The following GABPB1 variants were observed in gnomAD, a reference collection of about 807,000 sequenced individuals.
GABPB1 encodes the protein GA-binding protein subunit beta-1.
A neutral mutation model predicts 45.9 loss-of-function variants in GABPB1; 15 were observed. That is an observed-to-expected ratio of 0.33 (90% CI 0.22 to 0.50). The LOEUF (loss-of-function observed/expected upper bound fraction) is 0.50, where lower values mean the gene tolerates loss of function less well. GABPB1 is among the 20% of genes least tolerant of loss of function. The probability of loss-of-function intolerance (pLI) is 0.98; values close to 1 mark genes in which losing one functional copy is unlikely to be tolerated. For synonymous variants in GABPB1, 143 were observed against 154.4 expected (o/e 0.93, Z 0.55); for missense variants, 252 against 457.5 (o/e 0.55, Z 4.10).
chr15:50,303,184 A>G, intron 3 of GABPB1, 61 bp from the exon 4 acceptor site: 1 of 1,294,722 alleles, frequency 7.7e-7, no homozygotes, highest in Non-Finnish European at 1.1e-6. Flanking sequence ...AATTCCTGAT[A>G]TGAAATTATT....
chr15:50,298,334 C>T (rs2046598459), intron 6 of GABPB1, among the ~76,000 whole-genome samples: 1 of 152,120 alleles, frequency 6.6e-6, no homozygotes, highest in Non-Finnish European at 1.5e-5. Context: ...GATCTGCCAC[C>T]CTTAGCCTCC....
chr15:50,293,879 GC>G (rs2046427712), intron 6 of GABPB1, among the ~76,000 whole-genome samples: 1 of 152,050 alleles, frequency 6.6e-6, no homozygotes, highest in Admixed American at 6.6e-5. Flanking sequence ...CCCCCCAGAA[GC>G]CTTAAGAACA....
intron 4 of GABPB1, 44 bp downstream of exon 4, chr15:50,302,885 G>A: frequency 1.5e-6 from 2 of 1,301,070 alleles, no homozygotes; most frequent in Non-Finnish European, 2.2e-6. Context: ...CTACTGATAA[G>A]GCTTCTTTTT....
At chr15:50,294,311 C>T (rs982214653) in intron 6 of GABPB1, among the ~76,000 whole-genome samples, 1 of 152,104 alleles carries the variant, frequency 6.6e-6, no homozygotes, top group Non-Finnish European at 1.5e-5. Flanking sequence ...GTCAAGAGAT[C>T]GAGACCATCC....
chr15:50,279,979 G>C (rs980851792), intron 8 of GABPB1, among the ~76,000 whole-genome samples: 1 of 152,004 alleles, frequency 6.6e-6, no homozygotes, highest in African/African-American at 2.4e-5. Flanking sequence ...CTATTCATAT[G>C]GTTGGTCCAC....
rs185146282 is a variant in GABPB1 at position 50,281,224 on chromosome 15, C to T, written c.1000-2440G>A. Among the ~76,000 whole-genome samples the T allele has an allele frequency of 4.9e-4, 74 of 151,062 alleles. No homozygotes were observed. The East Asian group carries it at 0.012, about 25-fold the overall frequency. ...ATAATTAACACTATAATTTTTTTTT[C>T]TTTTTGAGACGGAGTCTTGCTCTGT... On this transcript the variant is annotated intron_variant, in intron 8 of 8. Transcript: ENST00000380877.
At chr15:50,339,114 T>C (rs1328669508) in intron 1 of GABPB1, among the ~76,000 whole-genome samples, 1 of 151,282 alleles carries the variant, frequency 6.6e-6, no homozygotes, top group Non-Finnish European at 1.5e-5. Flanking sequence ...GGGTCAGGAG[T>C]TCGAAACCAG....
At chr15:50,344,769 C>G (rs2048503260) in intron 1 of GABPB1, among the ~76,000 whole-genome samples, 2 of 152,042 alleles carry the variant, frequency 1.3e-5, no homozygotes, top group Non-Finnish European at 1.5e-5. Flanking sequence ...ACCTAGGAGG[C>G]AGAGGTTGCA....
At position 50,316,836 on chromosome 15, in the gene GABPB1, T is replaced by C. The variant is rs533785158; in HGVS notation, c.1-7038A>G. On this transcript the variant is annotated intron_variant, in intron 1 of 8. Transcript: ENST00000380877. Reference sequence around the variant, plus strand: ...TGAACAATTTGTAGTATATATAAACTAGACAGTCATATAATAAACTCCCAC... The same window carrying C: ...TGAACAATTTGTAGTATATATAAACCAGACAGTCATATAATAAACTCCCAC... Among the ~76,000 whole-genome samples the C allele has an allele frequency of 5.9e-5, 9 of 152,250 alleles. No homozygotes were observed. The South Asian group carries it at 8.3e-4, about 14-fold the overall frequency.
At chr15:50,326,755 G>A (rs1441087445) in intron 1 of GABPB1, among the ~76,000 whole-genome samples, 1 of 151,960 alleles carries the variant, frequency 6.6e-6, no homozygotes, top group Non-Finnish European at 1.5e-5. Context: ...GACTGCTTGA[G>A]CCTGGGAGGT....
chr15:50,279,825 T>G (rs538028482), intron 8 of GABPB1, among the ~76,000 whole-genome samples: 4 of 152,264 alleles, frequency 2.6e-5, no homozygotes, highest in Non-Finnish European at 5.9e-5. Context: ...ACAAGACACT[T>G]GGCCAGAGAG....
chr15:50,339,188 C>T (rs963854696), intron 1 of GABPB1, among the ~76,000 whole-genome samples: 4 of 152,098 alleles, frequency 2.6e-5, no homozygotes, highest in South Asian at 2.1e-4. Flanking sequence ...CATGGTGGTG[C>T]GTGCCTGTAG....
chr15:50,313,210 A>G (rs1393442946), intron 1 of GABPB1, among the ~76,000 whole-genome samples: 1 of 152,208 alleles, frequency 6.6e-6, no homozygotes, highest in Non-Finnish European at 1.5e-5. Flanking sequence ...ATCAATAGTT[A>G]AAAGACAGGA....
In GABPB1 at chr15:50,300,932, T is replaced by C. The variant is rs774833573; in HGVS notation, c.584-30A>G. The C allele has an allele frequency of 3.0e-6, 4 of 1,315,148 alleles. No individual in the cohort carries two copies. In the South Asian group the frequency reaches 4.7e-5, roughly 15 times the overall value. The allele number at this position is 1,315,148 out of a possible 1,614,324, so 81.5% of individuals were successfully genotyped here. ...AAGAAAAAAGAAAATAGATTTGAAT[T>C]TCTAAGGAGCTTAATCCAATGCATA... On this transcript the variant is annotated intron_variant, in intron 5 of 8. Coordinates refer to ENST00000380877, the MANE Select transcript of GABPB1 (RefSeq NM_016654.5).
chr15:50,290,901 C>T (rs1254577989), intron 6 of GABPB1, among the ~76,000 whole-genome samples: 1 of 152,138 alleles, frequency 6.6e-6, no homozygotes, highest in Non-Finnish European at 1.5e-5. Context: ...GTTAATACTG[C>T]CAAAATCCTT....
chr15:50,316,627 T>C (rs2047339201), intron 1 of GABPB1, among the ~76,000 whole-genome samples: 1 of 152,094 alleles, frequency 6.6e-6, no homozygotes, highest in African/African-American at 2.4e-5. Context: ...GTCTTTAAAA[T>C]GTTCATACTC....
intron 8 of GABPB1, among the ~76,000 whole-genome samples, chr15:50,281,236 G>A (rs2045960325): frequency 6.6e-6 from 1 of 152,068 alleles, no homozygotes; most frequent in Non-Finnish European, 1.5e-5. Context: ...TTTTGAGACG[G>A]AGTCTTGCTC....
chr15:50,282,814 G>C lies in GABPB1; in HGVS notation c.999+3254C>G, dbSNP rs111781716. ...TCATGCCTATAATCCCAGCACTCTG[G>C]GGGGCTGAAGCGGATGGATCACCTG... On this transcript the variant is annotated intron_variant, in intron 8 of 8. Coordinates refer to ENST00000380877, the MANE Select transcript of GABPB1 (RefSeq NM_016654.5). 8.3e-3 allele frequency among the ~76,000 whole-genome samples: 1,269 copies of C among 152,212 alleles called. 6 individuals are homozygous for C. Among genetic ancestry groups the C allele is most frequent in the South Asian group, 0.019 (92 of 4,824 alleles).
intron 1 of GABPB1, among the ~76,000 whole-genome samples, chr15:50,318,928 C>T (rs993864273): frequency 5.3e-5 from 8 of 152,100 alleles, no homozygotes; most frequent in Non-Finnish European, 8.8e-5. Context: ...GTGGTATAGG[C>T]GTGGATTAGC....
Sources: allele counts gnomAD v4.1 joint callset (sites outside exome capture counted in the v4.1 genomes callset), GRCh38; gene constraint gnomAD v4.1.1; transcripts MANE v1.5; gene names NCBI Gene and HGNC (gene_info 2026-07-23, HGNC 2026-07-21).